PKIB: variants seen among roughly 807,000 people sequenced by gnomAD.
PKIB encodes the protein PKI-beta.
Under a neutral mutation model 4.5 loss-of-function variants are expected in PKIB, and 2 were observed. The observed-to-expected ratio is 0.44, with a 90% CI of 0.18 to 1.39. The LOEUF (loss-of-function observed/expected upper bound fraction) is 1.39. Among genes scored for constraint, PKIB ranks in the 40% most tolerant of loss-of-function variants. PKIB has a pLI of 0.27. For synonymous variants in PKIB, 38 were observed against 36.0 expected (o/e 1.06, Z -0.20); for missense variants, 94 against 92.6 (o/e 1.02, Z -0.06).
At position 122,515,979 on chromosome 6, in the gene PKIB, T is replaced by C. The variant is rs1207348376; in HGVS notation, c.-248+38040T>C. Among the ~76,000 whole-genome samples the C allele has an allele frequency of 4.6e-5, 7 of 152,106 alleles. No individual in the cohort carries two copies. In the East Asian group the frequency reaches 1.3e-3, roughly 29 times the overall value. On this transcript the variant is annotated intron_variant, in intron 2 of 6. Transcript: ENST00000392491. ...CTGCCCTCCTCGGCCTCCCAAAGTG[T>C]TGGGATTACAGGCGTGAACCACCAC...
At chr6:122,716,918 C>T (rs542434287) in intron 3 of PKIB, among the ~76,000 whole-genome samples, 18 of 152,188 alleles carry the variant, frequency 1.2e-4, no homozygotes, top group Non-Finnish European at 2.5e-4. Flanking sequence ...TACCATACGT[C>T]TGTACTCTCA....
chr6:122,686,195 G>T (rs759444588), intron 3 of PKIB, among the ~76,000 whole-genome samples: 1 of 152,078 alleles, frequency 6.6e-6, no homozygotes, highest in Non-Finnish European at 1.5e-5. Flanking sequence ...AGATCATATG[G>T]TAGCTCTGTT....
chr6:122,687,093 G>C (rs4473901), intron 3 of PKIB, among the ~76,000 whole-genome samples: 112,438 of 152,096 alleles, frequency 0.74, 41,865 homozygotes, highest in African/African-American at 0.81. Flanking sequence ...TAGTTTCATA[G>C]TTTGAAGTCT....
chr6:122,597,638 A>G (rs150125559), intron 3 of PKIB, among the ~76,000 whole-genome samples: 13 of 152,248 alleles, frequency 8.5e-5, no homozygotes, highest in African/African-American at 2.9e-4. Context: ...GGTGGTACTA[A>G]TCTCTGCAAT....
At chr6:122,708,824 G>A (rs1261483336) in intron 3 of PKIB, among the ~76,000 whole-genome samples, 2 of 151,990 alleles carry the variant, frequency 1.3e-5, no homozygotes, top group African/African-American at 4.8e-5. Context: ...AGTAGATACT[G>A]GCCAGTAGAT....
intron 3 of PKIB, among the ~76,000 whole-genome samples, chr6:122,716,481 T>C (rs956803850): frequency 2.0e-5 from 3 of 152,142 alleles, no homozygotes; most frequent in Non-Finnish European, 4.4e-5. Context: ...AAAACATAGC[T>C]CTGTTCTCAA....
intron 2 of PKIB, among the ~76,000 whole-genome samples, chr6:122,575,535 G>A (rs1562256978): frequency 6.6e-6 from 1 of 151,858 alleles, no homozygotes; most frequent in Non-Finnish European, 1.5e-5. Context: ...ATTGACCAAC[G>A]AGTGGATAAA....
rs759406276 is a variant in PKIB, at chr6:122,685,094, G to T, written c.-9+9950G>T. Among the ~76,000 whole-genome samples the T allele has an allele frequency of 5.9e-5, 9 of 152,082 alleles. No homozygotes were observed. The East Asian group carries it at 1.2e-3, about 20-fold the overall frequency. ...TATGAAAAGTTAGTCACTTGCCCCC[G>T]GTCATAGACAGTGATAGAATTAGGA... On this transcript the variant is annotated intron_variant, in intron 3 of 4. Transcript: ENST00000368452.
intron 3 of PKIB, among the ~76,000 whole-genome samples, chr6:122,704,542 T>A (rs765889399): frequency 3.9e-5 from 6 of 152,076 alleles, no homozygotes; most frequent in South Asian, 4.1e-4. Flanking sequence ...TTTCAAAGGC[T>A]AAACTCCAGG....
At chr6:122,643,584 C>A in intron 2 of PKIB, 1 of 152,260 alleles carries the variant, frequency 6.6e-6, no homozygotes, top group Middle Eastern at 3.4e-3. Flanking sequence ...AATTTGAATT[C>A]TCTACAAATA....
chr6:122,601,539 T>C (rs1215911956), intron 3 of PKIB, among the ~76,000 whole-genome samples: 1 of 152,048 alleles, frequency 6.6e-6, no homozygotes, highest in African/African-American at 2.4e-5. Flanking sequence ...ACTGCGTGGG[T>C]CCACTTATCT....
At chr6:122,491,543 A>T (rs1346978000) in intron 2 of PKIB, among the ~76,000 whole-genome samples, 1 of 152,158 alleles carries the variant, frequency 6.6e-6, no homozygotes, top group African/African-American at 2.4e-5. Flanking sequence ...AAAATTAGTC[A>T]TTAACGTAGG....
intron 3 of PKIB, among the ~76,000 whole-genome samples, chr6:122,697,667 T>G (rs1277153023): frequency 6.6e-6 from 1 of 152,128 alleles, no homozygotes; most frequent in Non-Finnish European, 1.5e-5. Flanking sequence ...TCATTGTGAC[T>G]TAAATAGTTC....
At chr6:122,553,540 A>G (rs1033372131) in intron 2 of PKIB, among the ~76,000 whole-genome samples, 1 of 131,090 alleles carries the variant, frequency 7.6e-6, no homozygotes, top group African/African-American at 2.9e-5. Flanking sequence ...CTCTCATGAA[A>G]TGAGTTGCTT....
chr6:122,504,091 A>C (rs1286936151), intron 2 of PKIB, among the ~76,000 whole-genome samples: 1 of 152,150 alleles, frequency 6.6e-6, no homozygotes, highest in African/African-American at 2.4e-5. Flanking sequence ...TTGCTGGCTC[A>C]GTGTTCTGGG....
At chr6:122,573,532 A>G (rs1309058778) in intron 2 of PKIB, among the ~76,000 whole-genome samples, 3 of 151,072 alleles carry the variant, frequency 2.0e-5, no homozygotes, top group African/African-American at 7.3e-5. Context: ...AAAAAAAAAA[A>G]AAAAAGAAAA....
At chr6:122,532,441 G>C (rs2114619391) in intron 2 of PKIB, among the ~76,000 whole-genome samples, 1 of 152,134 alleles carries the variant, frequency 6.6e-6, no homozygotes, top group African/African-American at 2.4e-5. Flanking sequence ...ATTAGCATTA[G>C]GTGCATTAAC....
intron 2 of PKIB, among the ~76,000 whole-genome samples, chr6:122,518,256 G>A (rs1484377775): frequency 6.6e-6 from 1 of 152,096 alleles, no homozygotes; most frequent in Non-Finnish European, 1.5e-5. Flanking sequence ...GCAGGCAGTG[G>A]GCTGTATTTG....
intron 3 of PKIB, among the ~76,000 whole-genome samples, chr6:122,709,550 C>G (rs532698388): frequency 1.3e-5 from 2 of 151,624 alleles, no homozygotes; most frequent in Non-Finnish European, 2.9e-5. Context: ...AACATGTTAC[C>G]ACTATTTGAT....
Sources: gnomAD v4.1 joint callset for allele counts (sites outside exome capture counted in the v4.1 genomes callset) on GRCh38, gnomAD v4.1.1 for gene constraint, MANE v1.5 for transcripts, NCBI Gene and HGNC (gene_info 2026-07-23, HGNC 2026-07-21) for gene names.